Variants in CADM2 observed in about 807,000 individuals in gnomAD.
CADM2 encodes cell adhesion molecule 2.
CADM2 carries 12 observed loss-of-function variants against 49.8 expected under a neutral mutation model. That is an observed-to-expected ratio of 0.24 (90% CI 0.15 to 0.39). The LOEUF is 0.39. Among genes scored for constraint, CADM2 ranks in the 10% least tolerant of loss-of-function variants. The probability of loss-of-function intolerance (pLI) is 1.00; values close to 1 mark genes in which losing one functional copy is unlikely to be tolerated. For missense variants in CADM2, 378 were observed against 492.3 expected (o/e 0.77, Z 2.20); for synonymous variants, 214 against 175.4 (o/e 1.22, Z -1.74).
At chr3:85,467,587 G>A (rs2038554035) in intron 1 of CADM2, among the ~76,000 whole-genome samples, 1 of 151,240 alleles carries the variant, frequency 6.6e-6, no homozygotes, top group South Asian at 2.1e-4. Flanking sequence ...CAACACTACA[G>A]GACATAAAAA....
At chr3:85,244,907 T>C (rs1037869275) in intron 1 of CADM2, among the ~76,000 whole-genome samples, 1 of 152,200 alleles carries the variant, frequency 6.6e-6, no homozygotes, top group Non-Finnish European at 1.5e-5. Context: ...AATAAATTGT[T>C]TGATTTTTTT....
Position 85,871,200 on chromosome 3 carries a change from C to T in CADM2, c.239-12091C>T, listed in dbSNP as rs73147143. 5.4e-3 allele frequency among the ~76,000 whole-genome samples: 824 copies of T among 152,076 alleles called. 4 individuals carry two copies. Among genetic ancestry groups the T allele is most frequent in the Admixed American group, 9.2e-3 (141 of 15,290 alleles). ...ACTTAAATTTACATGAATAAACAAC[C>T]CCATTAAAAAGTGGGTAAAACATGA... On this transcript the variant is annotated intron_variant, in intron 3 of 9. Transcript: ENST00000383699.
chr3:85,604,510 T>C (rs1285312112), intron 1 of CADM2, among the ~76,000 whole-genome samples: 1 of 152,020 alleles, frequency 6.6e-6, no homozygotes, highest in Non-Finnish European at 1.5e-5. Flanking sequence ...TTCTAAAACC[T>C]GGTTGTGATA....
intron 1 of CADM2, among the ~76,000 whole-genome samples, chr3:85,508,718 G>A (rs750597535): frequency 6.6e-6 from 1 of 152,106 alleles, no homozygotes; most frequent in African/African-American, 2.4e-5. Flanking sequence ...TAATGAATAA[G>A]CCCAGTAGTT....
chr3:85,138,704 A>G (rs1040227982), intron 1 of CADM2, among the ~76,000 whole-genome samples: 20 of 152,208 alleles, frequency 1.3e-4, no homozygotes, highest in Non-Finnish European at 2.1e-4. Context: ...TTTTGTCTCC[A>G]TAAGGGTATG....
intron 1 of CADM2, among the ~76,000 whole-genome samples, chr3:85,604,360 A>G (rs916776006): frequency 5.3e-5 from 8 of 151,900 alleles, no homozygotes; most frequent in African/African-American, 1.9e-4. Flanking sequence ...CTGATACTGT[A>G]TCTACCACCT....
At chr3:85,077,817 T>A (rs1485387643) in intron 1 of CADM2, among the ~76,000 whole-genome samples, 1 of 152,104 alleles carries the variant, frequency 6.6e-6, no homozygotes, top group African/African-American at 2.4e-5. Flanking sequence ...TATTATCTAA[T>A]GAAAGTTAAT....
At chr3:85,539,991 G>T (rs1378966556) in intron 1 of CADM2, among the ~76,000 whole-genome samples, 1 of 152,130 alleles carries the variant, frequency 6.6e-6, no homozygotes, top group East Asian at 1.9e-4. Flanking sequence ...CTTGGAATAG[G>T]TATGATTATT....
At chr3:85,568,798 G>A (rs1232787622) in intron 1 of CADM2, among the ~76,000 whole-genome samples, 1 of 151,386 alleles carries the variant, frequency 6.6e-6, no homozygotes. Flanking sequence ...AGTGGAGATG[G>A]GGTTTCACCA....
rs1410147251 is a variant in CADM2, at chr3:85,636,539, A to T, written c.62-89983A>T. Reference sequence around the variant, plus strand: ...TTAAAGATAGAAAATTTAAAAAATAAAATTAGTGTAGCCTCAATGTACAGT... The same window carrying T: ...TTAAAGATAGAAAATTTAAAAAATATAATTAGTGTAGCCTCAATGTACAGT... On this transcript the variant is annotated intron_variant, in intron 1 of 9. Coordinates refer to ENST00000383699, the MANE Select transcript of CADM2 (RefSeq NM_001167675.2). Among the ~76,000 whole-genome samples the T allele has an allele frequency of 3.3e-5, 5 of 152,116 alleles. No homozygotes were observed. In the East Asian group the frequency reaches 9.7e-4, roughly 29 times the overall value.
At chr3:85,013,798 C>T (rs1315433152) in intron 1 of CADM2, among the ~76,000 whole-genome samples, 1 of 147,030 alleles carries the variant, frequency 6.8e-6, no homozygotes, top group Non-Finnish European at 1.5e-5. Context: ...GTACTGAGGG[C>T]AGTAGTAATT....
intron 3 of CADM2, among the ~76,000 whole-genome samples, chr3:85,863,419 T>G (rs1425145479): frequency 6.6e-6 from 1 of 152,064 alleles, no homozygotes; most frequent in African/African-American, 2.4e-5. Context: ...GTAATTGCAT[T>G]GGGAGATGAG....
At chr3:85,023,909 TTAAGA>T (rs886833547) in intron 1 of CADM2, among the ~76,000 whole-genome samples, 16 of 152,202 alleles carry the variant, frequency 1.1e-4, no homozygotes, top group Admixed American at 5.2e-4. Context: ...ATTATTTATG[TTAAGA>T]TAAGTTTGGG....
intron 1 of CADM2, among the ~76,000 whole-genome samples, chr3:85,310,486 C>T (rs1001714054): frequency 6.6e-6 from 1 of 152,144 alleles, no homozygotes; most frequent in Non-Finnish European, 1.5e-5. Flanking sequence ...AAGATCTTTT[C>T]CCTGCCGAAT....
intron 2 of CADM2, among the ~76,000 whole-genome samples, chr3:85,776,761 A>G (rs1334307369): frequency 2.0e-5 from 3 of 152,126 alleles, no homozygotes; most frequent in Non-Finnish European, 4.4e-5. Flanking sequence ...AATGCCTTAC[A>G]TAAGTAAATA....
At chr3:85,140,310 G>A (rs2039538907) in intron 1 of CADM2, among the ~76,000 whole-genome samples, 1 of 152,052 alleles carries the variant, frequency 6.6e-6, no homozygotes, top group Non-Finnish European at 1.5e-5. Context: ...CTTAACAAAT[G>A]ATACATTTTT....
intron 2 of CADM2, among the ~76,000 whole-genome samples, chr3:85,779,086 A>C (rs2070500416): frequency 2.0e-5 from 3 of 152,160 alleles, no homozygotes; most frequent in African/African-American, 7.2e-5. Context: ...CAAATACAAG[A>C]GAGTACTTTA....
chr3:85,126,293 C>T (rs890220161), intron 1 of CADM2, among the ~76,000 whole-genome samples: 5 of 152,024 alleles, frequency 3.3e-5, no homozygotes, highest in Admixed American at 6.6e-5. Context: ...GTGTGAGGCT[C>T]TGTTCTAGGA....
intron 1 of CADM2, among the ~76,000 whole-genome samples, chr3:85,502,267 G>A (rs1244751434): frequency 6.6e-6 from 1 of 152,128 alleles, no homozygotes; most frequent in African/African-American, 2.4e-5. Flanking sequence ...TGCCACTTCA[G>A]TGAATGGAGT....
Sources: allele counts gnomAD v4.1 joint callset (sites outside exome capture counted in the v4.1 genomes callset), GRCh38; gene constraint gnomAD v4.1.1; transcripts MANE v1.5; gene names NCBI Gene and HGNC (gene_info 2026-07-23, HGNC 2026-07-21).